Variants in SP3 observed in about 807,000 individuals in gnomAD.
SP3 encodes Sp3 transcription factor, also known as transcription factor Sp3.
A neutral mutation model predicts 70.3 loss-of-function variants in SP3; 10 were observed. That is an observed-to-expected ratio of 0.14 (90% CI 0.09 to 0.24). The LOEUF is 0.24. Ranked by LOEUF, SP3 falls within the 10% of genes least tolerant of loss-of-function variation. The probability of loss-of-function intolerance (pLI) is 1.00; values close to 1 mark genes in which losing one functional copy is unlikely to be tolerated. For synonymous variants in SP3, 402 were observed against 333.5 expected, an observed-to-expected ratio of 1.21 and a Z score of -2.24; for missense variants, 825 against 914.6, an observed-to-expected ratio of 0.90 and a Z score of 1.26.
rs1689301336 is a variant in SP3 at position 173,905,912 on chromosome 2, A to C, written c.*4029T>G. On this transcript the variant is annotated 3_prime_UTR_variant, in exon 7 of 7. Transcript: ENST00000310015. ...TACTTAAGAGGCCGAAGTGGGGAGG[A>C]TTGCTTGAGACCAGTAAGTGGAGTC... Among the ~76,000 whole-genome samples, 1 of 152,150 alleles carries C rather than the reference A, an allele frequency of 6.6e-6. No homozygotes were observed. Among genetic ancestry groups the C allele is most frequent in the Non-Finnish European group, 1.5e-5 (1 of 68,012 alleles).
intron 4 of SP3, among the ~76,000 whole-genome samples, chr2:173,921,236 TCCC>T (rs962719732): frequency 1.3e-5 from 2 of 152,166 alleles, no homozygotes; most frequent in Non-Finnish European, 2.9e-5. Flanking sequence ...GACTAAACCT[TCCC>T]CCATTTTTAT....
Position 173,904,152 on chromosome 2 carries a change from G to C in SP3, c.*5789C>G, listed in dbSNP as rs1689249518. 6.6e-6 allele frequency among the ~76,000 whole-genome samples: 1 copy of C among 152,122 alleles called. No homozygotes were observed. The highest frequency in any genetic ancestry group is 2.4e-5 in the African/African-American group (1 of 41,402). On this transcript the variant is annotated 3_prime_UTR_variant, in exon 7 of 7. Coordinates refer to ENST00000310015, the MANE Select transcript of SP3 (RefSeq NM_003111.5). ...ATCTAATGTTGTGGCTCATCTGACA[G>C]GAGGCAGAGCTCAGGCAGGAATGCT...
intron 4 of SP3, among the ~76,000 whole-genome samples, chr2:173,952,883 G>A (rs1315991217): frequency 6.6e-6 from 1 of 152,188 alleles, no homozygotes; most frequent in African/African-American, 2.4e-5. Flanking sequence ...GTGGTTGTCA[G>A]GGTCTGAGGG....
At chr2:173,949,877 A>G (rs1344877176) in intron 4 of SP3, among the ~76,000 whole-genome samples, 1 of 152,208 alleles carries the variant, frequency 6.6e-6, no homozygotes, top group African/African-American at 2.4e-5. Flanking sequence ...GATTAACTGT[A>G]TTTTAGATAA....
At chr2:173,929,965 A>G (rs1440526755) in intron 4 of SP3, among the ~76,000 whole-genome samples, 1 of 152,178 alleles carries the variant, frequency 6.6e-6, no homozygotes, top group African/African-American at 2.4e-5. Context: ...GCTTTTTTCT[A>G]AGATATGCCT....
intron 6 of SP3, among the ~76,000 whole-genome samples, chr2:173,911,591 CCT>C (rs1181647121): frequency 6.6e-6 from 1 of 151,938 alleles, no homozygotes; most frequent in African/African-American, 2.4e-5. Flanking sequence ...GTACTTATAC[CCT>C]CTTTGGCCCA....
chr2:173,956,476 C>A (rs1690896181), intron 3 of SP3, among the ~76,000 whole-genome samples: 2 of 152,136 alleles, frequency 1.3e-5, no homozygotes, highest in African/African-American at 4.8e-5. Flanking sequence ...TTCATCACAA[C>A]CACAGACCAA....
At chr2:173,930,644 T>C (rs1574407807) in intron 4 of SP3, among the ~76,000 whole-genome samples, 1 of 152,342 alleles carries the variant, frequency 6.6e-6, no homozygotes, top group Non-Finnish European at 1.5e-5. Context: ...CCTTCCAAGT[T>C]ACTGCACGTT....
chr2:173,911,474 C>T (rs1392910300), intron 6 of SP3, among the ~76,000 whole-genome samples: 4 of 152,172 alleles, frequency 2.6e-5, no homozygotes, highest in Admixed American at 6.5e-5. Flanking sequence ...CCATGGCAAA[C>T]GGCACAAGGT....
chr2:173,943,597 C>T (rs1279996893), intron 4 of SP3, among the ~76,000 whole-genome samples: 1 of 152,104 alleles, frequency 6.6e-6, no homozygotes, highest in Non-Finnish European at 1.5e-5. Flanking sequence ...TTCCAATGTG[C>T]TGGAATTAAA....
chr2:173,964,877 GTCAC>G (rs946564961), intron 1 of SP3: 71 of 499,520 alleles, frequency 1.4e-4, no homozygotes, highest in African/African-American at 1.0e-3. Flanking sequence ...CGCACCGTCA[GTCAC>G]TCACACACGC....
intron 4 of SP3, among the ~76,000 whole-genome samples, chr2:173,933,661 TATATATATATA>T (rs1265528978): frequency 7.0e-6 from 1 of 142,504 alleles, no homozygotes; most frequent in Non-Finnish European, 1.5e-5. Context: ...TATATATATA[TATATATATATA>T]AAAGTTATAA....
In SP3 at chr2:173,960,362, G is replaced by A. The variant is rs571958601; in HGVS notation, c.279+3399C>T. Among the ~76,000 whole-genome samples, 16 of 152,310 alleles carry A rather than the reference G, an allele frequency of 1.1e-4. No homozygotes were observed. The East Asian group carries it at 3.1e-3, about 29-fold the overall frequency. ...CCCACGAATGCCTTTACGAAAGCCAGAAATAGGAAAGGAAGGAGTATAACT... is the reference window on the plus strand; with the variant it reads ...CCCACGAATGCCTTTACGAAAGCCAAAAATAGGAAAGGAAGGAGTATAACT... On this transcript the variant is annotated intron_variant, in intron 3 of 6. Coordinates refer to ENST00000310015, the MANE Select transcript of SP3 (RefSeq NM_003111.5).
At chr2:173,919,761 T>C (rs1470601356) in intron 4 of SP3, among the ~76,000 whole-genome samples, 1 of 152,164 alleles carries the variant, frequency 6.6e-6, no homozygotes, top group African/African-American at 2.4e-5. Flanking sequence ...ATGGTAGGTG[T>C]GTAGATCAGT....
chr2:173,956,063 T>C lies in SP3; in HGVS notation c.449A>G (p.Gln150Arg). The stretch of plus-strand genomic sequence containing the variant: ...TGATCCTGGTGCAACGGAAAATATT[T>C]GTTGATTCTGCAAATTCTGAAGGGG... ...VLPLQNLQNQ[Q>R]IFSVAPGSDS... Residue 150 changes from glutamine to arginine, a missense_variant, in exon 4 of 7, where the codon CAA becomes CGA. Physicochemically the swap from Gln to Arg is conservative, Grantham distance 43. Transcript: ENST00000310015. The C allele has an allele frequency of 6.2e-7, 1 of 1,614,176 alleles. No homozygotes were observed. The highest frequency in any genetic ancestry group is 1.1e-5 in the South Asian group (1 of 91,082).
At chr2:173,951,194 G>GT (rs1180673046) in intron 4 of SP3, among the ~76,000 whole-genome samples, 5 of 152,166 alleles carry the variant, frequency 3.3e-5, no homozygotes, top group African/African-American at 1.2e-4. Flanking sequence ...ATAGAACGCT[G>GT]TAACATTAAT....
At chr2:173,942,722 A>G (rs1396467961) in intron 4 of SP3, among the ~76,000 whole-genome samples, 5 of 152,188 alleles carry the variant, frequency 3.3e-5, no homozygotes, top group Admixed American at 2.0e-4. Flanking sequence ...GCCATAACAG[A>G]CTTAATTCCC....
rs1691255986 is a variant in SP3, at chr2:173,965,204, C to T, written c.-33G>A. The T allele has an allele frequency of 2.1e-5, 33 of 1,546,876 alleles. No individual in the cohort carries two copies. The highest frequency in any genetic ancestry group is 2.7e-5 in the Non-Finnish European group (31 of 1,145,350). On this transcript the variant is annotated 5_prime_UTR_variant, in exon 1 of 7. Transcript: ENST00000310015. ...TTAGGGCACCTCAGGCGGGGCTCCC[C>T]GCCGCCTTACACATGGTGAGGAGCG... is the stretch of plus-strand genomic sequence containing the variant.
rs551205052 is a variant in SP3 at position 173,903,775 on chromosome 2, A to G, written c.*6166T>C. On this transcript the variant is annotated 3_prime_UTR_variant, in exon 7 of 7. Coordinates refer to ENST00000310015, the MANE Select transcript of SP3 (RefSeq NM_003111.5). ...GTCCTGAAACTGTAGAGGGACTTCT[A>G]AGGCTTTTAATCAGTTTTCTTGGAC... Among the ~76,000 whole-genome samples the G allele has an allele frequency of 6.6e-6, 1 of 152,296 alleles. No individual in the cohort carries two copies. Among genetic ancestry groups the G allele is most frequent in the South Asian group, 2.1e-4 (1 of 4,822 alleles).
Sources: allele counts gnomAD v4.1 joint callset (sites outside exome capture counted in the v4.1 genomes callset), GRCh38; gene constraint gnomAD v4.1.1; transcripts MANE v1.5; gene names NCBI Gene and HGNC (gene_info 2026-07-23, HGNC 2026-07-21).